The following CENPE variants were observed in gnomAD, a reference collection of about 807,000 sequenced individuals.
The protein encoded by CENPE is centromere-associated protein E.
Under a neutral mutation model 336.1 loss-of-function variants are expected in CENPE, and 145 were observed. The observed-to-expected ratio is 0.43, with a 90% CI of 0.38 to 0.50. The LOEUF is 0.50. Among genes scored for constraint, CENPE ranks in the 20% least tolerant of loss-of-function variants. CENPE has a pLI of 0.00. For synonymous variants in CENPE, 1,013 were observed against 984.8 expected (o/e 1.03, Z -0.54); for missense variants, 2,719 against 3,023.3 (o/e 0.90, Z 2.36).
chr4:103,143,591 T>C (rs1752747392), intron 33 of CENPE, among the ~76,000 whole-genome samples, 185 bp from the exon 34 acceptor site: 1 of 147,982 alleles, frequency 6.8e-6, no homozygotes, highest in African/African-American at 2.4e-5. Flanking sequence ...CCCTGTTCCC[T>C]AACAGGACAC....
Position 103,140,340 on chromosome 4 carries a change from A to G in CENPE, c.5829T>C (p.Leu1943=). 6.2e-7 allele frequency: 1 copy of G among 1,606,526 alleles called. No homozygotes were observed. Among genetic ancestry groups the G allele is most frequent in the Non-Finnish European group, 8.5e-7 (1 of 1,175,578 alleles). The part of the protein sequence containing the change: ...SKEHKETVDK[L]REKISEKTIQ... ...TTGTCTTTTCTGAAATTTTTTCTCTAAGTTTATCAACAGTTTCTTTGTGTT... is the reference window on the plus strand; with the variant it reads ...TTGTCTTTTCTGAAATTTTTTCTCTGAGTTTATCAACAGTTTCTTTGTGTT... The change falls in exon 37 of 49, where the codon CTT becomes CTC. Residue 1943 remains leucine (L), a synonymous_variant. Coordinates refer to ENST00000265148, the MANE Select transcript of CENPE (RefSeq NM_001813.3).
intron 42 of CENPE, among the ~76,000 whole-genome samples, chr4:103,130,884 T>G (rs1352119008): frequency 6.7e-6 from 1 of 148,762 alleles, no homozygotes; most frequent in East Asian, 2.0e-4. Context: ...GACAATATAA[T>G]TGTGCTGAAT....
rs774271160 is a variant in CENPE, at chr4:103,110,978, T to C, written c.7574A>G (p.Asn2525Ser). The C allele has an allele frequency of 3.1e-6, 5 of 1,608,354 alleles. No individual in the cohort carries two copies. Among genetic ancestry groups the C allele is most frequent in the African/African-American group, 1.3e-5 (1 of 74,518 alleles). Reference sequence around the variant, plus strand: ...GCCACCTCCACAAGTTAAGGGTTTATTTGAAGGCTGAGGATCAGTATGTTC... The same window carrying C: ...GCCACCTCCACAAGTTAAGGGTTTACTTGAAGGCTGAGGATCAGTATGTTC... The part of the protein sequence containing the change: ...ISEHTDPQPS[N>S]KPLTCGGGSG... Residue 2525 changes from asparagine (N) to serine (S), a missense_variant, in exon 47 of 49, where the codon AAT becomes AGT. Physicochemically the swap from Asn to Ser is conservative, Grantham distance 46 (BLOSUM62 1). Coordinates refer to ENST00000265148, the MANE Select transcript of CENPE (RefSeq NM_001813.3).
At position 103,151,286 on chromosome 4, in the gene CENPE, T is replaced by C; in HGVS notation, c.3329A>G (p.Lys1110Arg). 1 of 1,607,220 alleles carries C rather than the reference T, an allele frequency of 6.2e-7. No homozygotes were observed. The highest frequency in any genetic ancestry group is 1.1e-5 in the South Asian group (1 of 88,606). Residue 1110 changes from lysine (K) to arginine (R), a missense_variant, in exon 26 of 49, where the codon AAG (lysine) becomes AGG (arginine). Physicochemically the swap from Lys to Arg is conservative, Grantham distance 26. Transcript: ENST00000265148. Reference sequence around the variant, plus strand: ...GGTCCTAGAAAGCTCTCCTTCTTTCTTTATGGCATGGTTCTTTTCTTGTGC... The same window carrying C: ...GGTCCTAGAAAGCTCTCCTTCTTTCCTTATGGCATGGTTCTTTTCTTGTGC... ...IVAQEKNHAI[K>R]KEGELSRTCD...
At chr4:103,138,060 T>G (rs1382950743) in intron 39 of CENPE, among the ~76,000 whole-genome samples, 1 of 152,222 alleles carries the variant, frequency 6.6e-6, no homozygotes, top group Non-Finnish European at 1.5e-5. Flanking sequence ...CTGTTCCCTT[T>G]GCCTATAATG....
intron 42 of CENPE, among the ~76,000 whole-genome samples, chr4:103,127,110 A>C (rs192704008): frequency 6.0e-4 from 90 of 151,050 alleles, no homozygotes; most frequent in Non-Finnish European, 1.0e-3. Context: ...AAAAAAAAAA[A>C]AACCAAAAAA....
chr4:103,120,197 T>G lies in CENPE; in HGVS notation c.7280A>C (p.Glu2427Ala). 1.9e-6 allele frequency: 3 copies of G among 1,611,062 alleles called. No individual in the cohort carries two copies. Among genetic ancestry groups the G allele is most frequent in the Non-Finnish European group, 2.5e-6 (3 of 1,178,988 alleles). ...IIAKLQAKVH[E>A]SNKCLEKTKE... ...TGTTTTTTCAAGGCATTTATTTGAT[T>G]CATGAACTTTGGCTTGAAGTTTTGC... Residue 2427 changes from glutamate (E) to alanine (A), a missense_variant, in exon 44 of 49, where the codon GAA (glutamate) becomes GCA (alanine). Glu to Ala is a moderately radical substitution (Grantham distance 107). Coordinates refer to ENST00000265148, the MANE Select transcript of CENPE (RefSeq NM_001813.3).
At position 103,195,241 on chromosome 4, in the gene CENPE, A is replaced by C; in HGVS notation, c.358-8T>G. 6.4e-7 allele frequency: 1 copy of C among 1,558,260 alleles called. No homozygotes were observed. The highest frequency in any genetic ancestry group is 8.6e-7 in the Non-Finnish European group (1 of 1,158,212). On this transcript the variant is annotated splice_region_variant and splice_polypyrimidine_tract_variant and intron_variant, in intron 4 of 48. Transcript: ENST00000265148. Reference sequence around the variant, plus strand: ...AAATTCCCTATCAGGAAACTAGAAGAAAAAAAATTATATAAAAACACCAGG... The same window carrying C: ...AAATTCCCTATCAGGAAACTAGAAGCAAAAAAATTATATAAAAACACCAGG...
chr4:103,121,381 C>T (rs1049743182), intron 43 of CENPE, among the ~76,000 whole-genome samples: 4 of 152,126 alleles, frequency 2.6e-5, no homozygotes, highest in African/African-American at 9.6e-5. Flanking sequence ...ATATAATTCA[C>T]ATGTACACAC....
At chr4:103,140,757 G>A in intron 36 of CENPE, 57 bp downstream of exon 36, 1 of 1,436,784 alleles carries the variant, frequency 7.0e-7, no homozygotes, top group Non-Finnish European at 9.4e-7. Context: ...AGTGAACACT[G>A]TATTTTTGCC....
intron 38 of CENPE, 90 bp downstream of exon 38, chr4:103,139,699 C>T: frequency 8.2e-7 from 1 of 1,225,156 alleles, no homozygotes; most frequent in Non-Finnish European, 1.1e-6. Context: ...ATAGGAATTT[C>T]CAGAGAAAGA....
chr4:103,195,946 G>A lies in CENPE; in HGVS notation c.331C>T (p.His111Tyr), dbSNP rs866069625. The A allele has an allele frequency of 6.2e-7, 1 of 1,612,952 alleles. No individual in the cohort carries two copies. Among genetic ancestry groups the A allele is most frequent in the Admixed American group, 1.7e-5 (1 of 59,988 alleles). ...DHLGVIPRAI[H>Y]DIFQKIKKFP... ...TTCTTAATTTTTTGGAAAATGTCAT[G>A]AATTGCCCTGGGTATAACTCCCAAA... The change falls in exon 4 of 49, where the codon CAT (histidine) becomes TAT (tyrosine). Residue 111 changes from histidine (H) to tyrosine (Y), a missense_variant. By Grantham distance (83) the His-to-Tyr change is moderately conservative (BLOSUM62 2). This residue lies in a region of CENPE where 106 missense variants were observed against 189.3 expected (regional missense o/e 0.56). Coordinates refer to ENST00000265148, the MANE Select transcript of CENPE (RefSeq NM_001813.3).
At chr4:103,192,894 C>T (rs552066274) in intron 8 of CENPE, among the ~76,000 whole-genome samples, 2 of 150,692 alleles carry the variant, frequency 1.3e-5, no homozygotes, top group South Asian at 2.1e-4. Flanking sequence ...GAGTAAGAAA[C>T]GTCACAGAAT....
chr4:103,175,457 CAAT>C (rs1755778231), intron 15 of CENPE, among the ~76,000 whole-genome samples: 1 of 151,842 alleles, frequency 6.6e-6, no homozygotes, highest in Non-Finnish European at 1.5e-5. Flanking sequence ...AATTAACTAA[CAAT>C]AATAAGTAGT....
At chr4:103,125,513 G>A (rs1452185572) in intron 42 of CENPE, among the ~76,000 whole-genome samples, 1 of 151,750 alleles carries the variant, frequency 6.6e-6, no homozygotes, top group African/African-American at 2.4e-5. Flanking sequence ...TGGGAACAAT[G>A]ATTAAAAAAA....
intron 42 of CENPE, among the ~76,000 whole-genome samples, chr4:103,130,985 C>T (rs1560607908): frequency 7.0e-6 from 1 of 142,842 alleles, no homozygotes; most frequent in Non-Finnish European, 1.5e-5. Flanking sequence ...AAATGTAAAA[C>T]AAAAACTATG....
intron 32 of CENPE, 85 bp downstream of exon 32, chr4:103,144,965 T>G (rs925361600): frequency 7.9e-7 from 1 of 1,261,796 alleles, no homozygotes; most frequent in African/African-American, 1.5e-5. Flanking sequence ...AGAGGAAAAT[T>G]AATAAAACTT....
At position 103,125,805 on chromosome 4, in the gene CENPE, C is replaced by T. The variant is rs151231177; in HGVS notation, c.6925-2716G>A. ...GCTTGAACCCAGGAGGCGGAGGTTG[C>T]AGTGAGCCGAGATTGAGCCACTGCA... On this transcript the variant is annotated intron_variant, in intron 42 of 48. Coordinates refer to ENST00000265148, the MANE Select transcript of CENPE (RefSeq NM_001813.3). 4.0e-3 allele frequency among the ~76,000 whole-genome samples: 559 copies of T among 138,628 alleles called. 17 individuals carry two copies. The highest frequency in any genetic ancestry group is 0.031 in the Admixed American group (382 of 12,376). 90.9% of individuals were successfully genotyped at this position (138,628 alleles called of 152,430 possible).
At chr4:103,135,026 T>G (rs967126368) in intron 40 of CENPE, among the ~76,000 whole-genome samples, 2 of 152,236 alleles carry the variant, frequency 1.3e-5, no homozygotes, top group African/African-American at 4.8e-5. Context: ...TCTTCTCCAC[T>G]GATTTGGGTA....
Sources: gnomAD v4.1 joint callset for allele counts (sites outside exome capture counted in the v4.1 genomes callset) on GRCh38, gnomAD v4.1.1 for gene constraint, gnomAD v4.1.1 regional missense constraint, MANE v1.5 for transcripts, NCBI Gene and HGNC (gene_info 2026-07-23, HGNC 2026-07-21) for gene names.